Variants in COPS2 observed in about 807,000 individuals in gnomAD.
COPS2 encodes COP9 signalosome subunit 2.
Under a neutral mutation model 66.1 loss-of-function variants are expected in COPS2, and 10 were observed. That is an observed-to-expected ratio of 0.15 (90% CI 0.09 to 0.26). The LOEUF (loss-of-function observed/expected upper bound fraction) is 0.26, where lower values mean the gene tolerates loss of function less well. COPS2 is among the 10% of genes least tolerant of loss of function. The probability of loss-of-function intolerance (pLI) is 1.00; values close to 1 mark genes in which losing one functional copy is unlikely to be tolerated. For missense variants in COPS2, 215 were observed against 513.3 expected, an observed-to-expected ratio of 0.42 and a Z score of 5.62; for synonymous variants, 179 against 171.3, an observed-to-expected ratio of 1.04 and a Z score of -0.35.
intron 9 of COPS2, among the ~76,000 whole-genome samples, chr15:49,131,850 A>T (rs1180599548): frequency 1.3e-5 from 2 of 152,234 alleles, no homozygotes; most frequent in African/African-American, 4.8e-5. Context: ...CAAAAAAAAC[A>T]TCTTATACAA....
At chr15:49,153,014 T>C (rs2084373358) in intron 1 of COPS2, among the ~76,000 whole-genome samples, 3 of 152,200 alleles carry the variant, frequency 2.0e-5, no homozygotes, top group Admixed American at 2.0e-4. Flanking sequence ...TTCTCAAAGA[T>C]GATCATCAGC....
intron 1 of COPS2, among the ~76,000 whole-genome samples, chr15:49,154,014 A>G (rs1195157769): frequency 1.3e-5 from 2 of 152,314 alleles, no homozygotes; most frequent in Admixed American, 6.5e-5. Context: ...TTATATTTCA[A>G]AATATCTAGA....
In COPS2 at chr15:49,125,272, C is replaced by T. The variant is rs190134641; in HGVS notation, c.*2678G>A. Reference sequence around the variant, plus strand: ...CTTTAAAAAGAAATCAGTTATGTTACATTAAGATGTAGAGAAAAAGTATTT... The same window carrying T: ...CTTTAAAAAGAAATCAGTTATGTTATATTAAGATGTAGAGAAAAAGTATTT... On this transcript the variant is annotated 3_prime_UTR_variant, in exon 13 of 13. Transcript: ENST00000388901. 7.3e-4 allele frequency: 111 copies of T among 152,188 alleles called. No individual in the cohort carries two copies. The highest frequency in any genetic ancestry group is 7.1e-3 in the Admixed American group (109 of 15,294). The allele number at this position is 152,188 out of a possible 1,614,324, so 9.4% of individuals were successfully genotyped here. A position where few individuals can be genotyped will look rare whatever the true frequency, so the allele number is the denominator to read the frequency against.
intron 4 of COPS2, 124 bp from the exon 5 acceptor site, chr15:49,137,561 TCTTA>T (rs1417690770): frequency 5.7e-6 from 4 of 698,128 alleles, no homozygotes; most frequent in Admixed American, 5.1e-5. Context: ...ACTATCTGTA[TCTTA>T]CTGTCTTCTA....
intron 1 of COPS2, 33 bp downstream of exon 1, chr15:49,155,488 CATCA>C (rs1566888880): frequency 1.2e-6 from 2 of 1,609,186 alleles, no homozygotes; most frequent in Non-Finnish European, 1.7e-6. Flanking sequence ...AAACAAGACA[CATCA>C]CCACCCTCAG....
intron 1 of COPS2, among the ~76,000 whole-genome samples, chr15:49,148,737 G>A (rs1050250641): frequency 2.6e-5 from 4 of 152,144 alleles, no homozygotes; most frequent in African/African-American, 9.7e-5. Context: ...ACTCCAAGAA[G>A]CAGAATAAGG....
chr15:49,152,223 A>T (rs1284200365), intron 1 of COPS2, among the ~76,000 whole-genome samples: 1 of 151,942 alleles, frequency 6.6e-6, no homozygotes, highest in Non-Finnish European at 1.5e-5. Flanking sequence ...TTAAAAAAAG[A>T]AAAACTCTTT....
intron 3 of COPS2, 108 bp downstream of exon 3, chr15:49,144,119 A>C: frequency 2.7e-6 from 2 of 751,008 alleles, no homozygotes; most frequent in Non-Finnish European, 4.6e-6. Context: ...AAATATAAAA[A>C]CACATCCAAA....
At chr15:49,152,105 A>T (rs1238881444) in intron 1 of COPS2, among the ~76,000 whole-genome samples, 1 of 151,714 alleles carries the variant, frequency 6.6e-6, no homozygotes, top group African/African-American at 2.4e-5. Context: ...AAAAAACAAT[A>T]CATTTTTTAT....
At chr15:49,155,451 C>CTCTA in intron 1 of COPS2, 74 bp downstream of exon 1, 1 of 1,424,712 alleles carries the variant, frequency 7.0e-7, no homozygotes, top group Non-Finnish European at 9.9e-7. Flanking sequence ...CGGGGAGAGG[C>CTCTA]CGCGGGCGCC....
chr15:49,129,505 G>C lies in COPS2; in HGVS notation c.1100C>G (p.Thr367Arg). ...QVLIKLIKPY[T>R]RIHIPFISKE... is the part of the protein sequence containing the mutation. ...AGAAATAAAAGGAATATGTATTCTT[G>C]TGTAAGGCTTAATTAATTTTATAAG... Residue 367 changes from threonine (T) to arginine (R), a missense_variant, in exon 11 of 13, where the codon ACA becomes AGA. By Grantham distance (71) the Thr-to-Arg change is moderately conservative. Coordinates refer to ENST00000388901, the MANE Select transcript of COPS2 (RefSeq NM_004236.4). 1 of 1,492,460 alleles carries C rather than the reference G, an allele frequency of 6.7e-7. No individual in the cohort carries two copies. The highest frequency in any genetic ancestry group is 9.0e-7 in the Non-Finnish European group (1 of 1,109,452). The allele number at this position is 1,492,460 out of a possible 1,614,324, so 92.5% of individuals were successfully genotyped here.
In COPS2 at chr15:49,126,040, A is replaced by G. The variant is rs749532797; in HGVS notation, c.*1910T>C. On this transcript the variant is annotated 3_prime_UTR_variant, in exon 13 of 13. Coordinates refer to ENST00000388901, the MANE Select transcript of COPS2 (RefSeq NM_004236.4). ...GCATACATATTTGAATACAGGCACA[A>G]AAACTCATCATTTTTATTTGGATAA... 2.0e-5 allele frequency: 3 copies of G among 152,512 alleles called. No individual in the cohort carries two copies. Among genetic ancestry groups the G allele is most frequent in the Non-Finnish European group, 4.4e-5 (3 of 67,954 alleles). 9.4% of individuals were successfully genotyped at this position (152,512 alleles called of 1,614,324 possible). A position where few individuals can be genotyped will look rare whatever the true frequency, so the allele number is the denominator to read the frequency against.
rs749900576 is a variant in COPS2 at position 49,144,312 on chromosome 15, G to T, written c.169-8C>A. The T allele has an allele frequency of 6.4e-7, 1 of 1,565,020 alleles. No homozygotes were observed. Among genetic ancestry groups the T allele is most frequent in the Non-Finnish European group, 8.8e-7 (1 of 1,139,324 alleles). On this transcript the variant is annotated splice_polypyrimidine_tract_variant and splice_region_variant and intron_variant, in intron 2 of 12. Coordinates refer to ENST00000388901, the MANE Select transcript of COPS2 (RefSeq NM_004236.4). Reference sequence around the variant, plus strand: ...ACCTTCAAGTTCCAAAACCTAAAAAGAGGAAGAAATTTTTAGTTTATCTTA... The same window carrying T: ...ACCTTCAAGTTCCAAAACCTAAAAATAGGAAGAAATTTTTAGTTTATCTTA...
At chr15:49,149,423 T>C (rs2084343520) in intron 1 of COPS2, among the ~76,000 whole-genome samples, 2 of 152,244 alleles carry the variant, frequency 1.3e-5, no homozygotes, top group South Asian at 4.1e-4. Flanking sequence ...AAACTAAATT[T>C]TTTTTCTCAG....
At chr15:49,131,692 C>T (rs907154520) in intron 9 of COPS2, among the ~76,000 whole-genome samples, 3 of 152,056 alleles carry the variant, frequency 2.0e-5, no homozygotes, top group African/African-American at 7.2e-5. Flanking sequence ...GGAAGCATTA[C>T]TTTCTTACCT....
At chr15:49,150,854 T>C (rs1407865737) in intron 1 of COPS2, among the ~76,000 whole-genome samples, 1 of 152,168 alleles carries the variant, frequency 6.6e-6, no homozygotes, top group Non-Finnish European at 1.5e-5. Context: ...TAAACCCTTG[T>C]AATACGAACT....
chr15:49,144,467 AC>A (rs1408848953), intron 2 of COPS2, among the ~76,000 whole-genome samples, 163 bp from the exon 3 acceptor site: 1 of 152,220 alleles, frequency 6.6e-6, no homozygotes, highest in Non-Finnish European at 1.5e-5. Flanking sequence ...TTTAAAAAAA[AC>A]AAGTTGTAAG....
Position 49,126,968 on chromosome 15 carries a change from C to T in COPS2, c.*982G>A, listed in dbSNP as rs968876170. 4.6e-5 allele frequency: 7 copies of T among 152,200 alleles called. No individual in the cohort carries two copies. Among genetic ancestry groups the T allele is most frequent in the Non-Finnish European group, 2.9e-5 (2 of 67,962 alleles). The allele number at this position is 152,200 out of a possible 1,614,324, so 9.4% of individuals were successfully genotyped here. On this transcript the variant is annotated 3_prime_UTR_variant, in exon 13 of 13. Coordinates refer to ENST00000388901, the MANE Select transcript of COPS2 (RefSeq NM_004236.4). Reference sequence around the variant, plus strand: ...GCAGGTTTTGGGCAATGGTAGATTGCTGGCATTAGGAAATAACCTTCCAGC... The same window carrying T: ...GCAGGTTTTGGGCAATGGTAGATTGTTGGCATTAGGAAATAACCTTCCAGC...
rs768763369 is a variant in COPS2, at chr15:49,130,716, T to A, written c.1045+3A>T. ...TAGAATCCAGTTGGCAGAAAGAACA[T>A]ACCTTCAATGTGTTCTCTTATGAAA... On this transcript the variant is annotated splice_donor_region_variant and intron_variant, in intron 10 of 12. Transcript: ENST00000388901. 2.6e-6 allele frequency: 4 copies of A among 1,543,888 alleles called. No homozygotes were observed. The Admixed American group carries it at 6.9e-5, about 27-fold the overall frequency.
Sources: allele counts gnomAD v4.1 joint callset (sites outside exome capture counted in the v4.1 genomes callset), GRCh38; gene constraint gnomAD v4.1.1; transcripts MANE v1.5; gene names NCBI Gene and HGNC (gene_info 2026-07-23, HGNC 2026-07-21).